The following TAFA2 variants were observed in gnomAD, a reference collection of about 807,000 sequenced individuals.
TAFA2 encodes the protein TAFA chemokine like family member 2, also known as chemokine-like protein TAFA-2.
TAFA2 carries 7 observed loss-of-function variants against 18.8 expected under a neutral mutation model. The ratio of observed to expected loss-of-function variants is 0.37; its 90% confidence interval spans 0.21 to 0.70. The LOEUF (loss-of-function observed/expected upper bound fraction) is 0.70. Ranked by LOEUF, TAFA2 falls within the 30% of genes least tolerant of loss-of-function variation. The probability of loss-of-function intolerance (pLI) is 0.53; values close to 1 mark genes in which losing one functional copy is unlikely to be tolerated. For missense variants in TAFA2, 122 were observed against 158.1 expected (o/e 0.77, Z 1.23); for synonymous variants, 60 against 54.2 (o/e 1.11, Z -0.47).
At chr12:61,833,444 T>C (rs1442222906) in intron 2 of TAFA2, among the ~76,000 whole-genome samples, 1 of 152,062 alleles carries the variant, frequency 6.6e-6, no homozygotes, top group Non-Finnish European at 1.5e-5. Context: ...CCATCTATGG[T>C]GTAAGAACTC....
chr12:62,091,362 G>C (rs1391155485), intron 1 of TAFA2, among the ~76,000 whole-genome samples: 1 of 151,968 alleles, frequency 6.6e-6, no homozygotes, highest in Non-Finnish European at 1.5e-5. Flanking sequence ...TGTATCTACT[G>C]TATTAAATAC....
chr12:62,251,938 C>A (rs1193931267), intron 1 of TAFA2, among the ~76,000 whole-genome samples: 1 of 152,180 alleles, frequency 6.6e-6, no homozygotes, highest in African/African-American at 2.4e-5. Flanking sequence ...TTATCCAATT[C>A]AATTCACCCC....
chr12:62,256,981 G>A (rs527884237), intron 1 of TAFA2, among the ~76,000 whole-genome samples: 38 of 152,134 alleles, frequency 2.5e-4, no homozygotes, highest in African/African-American at 7.7e-4. Flanking sequence ...TGGTAGGGTC[G>A]TGGGCGGGAA....
chr12:62,056,250 A>G (rs1351145664), intron 1 of TAFA2, among the ~76,000 whole-genome samples: 7 of 152,196 alleles, frequency 4.6e-5, no homozygotes, highest in African/African-American at 1.7e-4. Context: ...AGCTTGCTAC[A>G]TCGCCAGATA....
intron 2 of TAFA2, among the ~76,000 whole-genome samples, chr12:61,837,772 G>A (rs1332744934): frequency 6.6e-6 from 1 of 151,890 alleles, no homozygotes; most frequent in Non-Finnish European, 1.5e-5. Context: ...GGGAAGAGAT[G>A]GCGAACAAAT....
chr12:62,237,871 T>C (rs1472708462), intron 1 of TAFA2, among the ~76,000 whole-genome samples: 1 of 152,176 alleles, frequency 6.6e-6, no homozygotes, highest in Non-Finnish European at 1.5e-5. Context: ...GAAGGTTGGC[T>C]AGGAGTTCAT....
At chr12:61,831,757 T>C (rs1402736450) in intron 2 of TAFA2, among the ~76,000 whole-genome samples, 1 of 152,108 alleles carries the variant, frequency 6.6e-6, no homozygotes, top group African/African-American at 2.4e-5. Flanking sequence ...ACGTGCAGGT[T>C]TGTTACATAT....
intron 2 of TAFA2, among the ~76,000 whole-genome samples, chr12:61,862,726 C>T (rs1013554455): frequency 2.9e-4 from 44 of 152,152 alleles, no homozygotes; most frequent in African/African-American, 9.9e-4. Flanking sequence ...AGCATTCATA[C>T]CTATTGCTGC....
intron 3 of TAFA2, among the ~76,000 whole-genome samples, chr12:61,754,595 G>A (rs1374974817): frequency 1.3e-5 from 2 of 149,350 alleles, no homozygotes; most frequent in African/African-American, 2.5e-5. Context: ...ACCATCCACC[G>A]AGAAATCAAC....
intron 2 of TAFA2, among the ~76,000 whole-genome samples, chr12:61,780,739 G>T (rs565926969): frequency 6.6e-6 from 1 of 151,498 alleles, no homozygotes; most frequent in African/African-American, 2.4e-5. Flanking sequence ...TTTCTCACTC[G>T]CTCCTTCCAG....
intron 1 of TAFA2, among the ~76,000 whole-genome samples, chr12:62,010,065 A>C (rs1301146865): frequency 6.6e-6 from 1 of 152,172 alleles, no homozygotes; most frequent in Non-Finnish European, 1.5e-5. Context: ...TAGCTTTTAC[A>C]TTTTTGTACT....
rs375878816 is a variant in TAFA2, at chr12:62,031,834, C to T, written c.-2+159425G>A. Among the ~76,000 whole-genome samples the T allele has an allele frequency of 2.6e-5, 4 of 152,168 alleles. No homozygotes were observed. The East Asian group carries it at 7.7e-4, about 29-fold the overall frequency. ...AGCATAATTTGAATATTTATGGTGGCCTACTTTATTGTTAGTCTTAATTAT... is the reference window on the plus strand; with the variant it reads ...AGCATAATTTGAATATTTATGGTGGTCTACTTTATTGTTAGTCTTAATTAT... On this transcript the variant is annotated intron_variant, in intron 1 of 4. Transcript: ENST00000416284.
chr12:61,879,798 T>C (rs1875037679), intron 1 of TAFA2: 1 of 1,476,142 alleles, frequency 6.8e-7, no homozygotes, highest in Non-Finnish European at 9.4e-7. Flanking sequence ...CAGGAGAAGC[T>C]GAAGCTGGAG....
chr12:61,810,290 T>C (rs1871811016), intron 2 of TAFA2, among the ~76,000 whole-genome samples: 1 of 151,098 alleles, frequency 6.6e-6, no homozygotes, highest in African/African-American at 2.5e-5. Flanking sequence ...TGGGGGAAAA[T>C]TGTTTTTAAG....
At chr12:61,821,515 G>A (rs1872322608) in intron 2 of TAFA2, among the ~76,000 whole-genome samples, 1 of 151,996 alleles carries the variant, frequency 6.6e-6, no homozygotes, top group Admixed American at 6.6e-5. Context: ...AAGCAGGGAA[G>A]GAAGAGAGGG....
At chr12:62,208,070 G>A (rs1312798208) in intron 1 of TAFA2, among the ~76,000 whole-genome samples, 1 of 152,116 alleles carries the variant, frequency 6.6e-6, no homozygotes, top group Admixed American at 6.5e-5. Flanking sequence ...TCAGAGACCA[G>A]AACAAGAAAG....
At chr12:61,966,917 C>T (rs1016875656) in intron 1 of TAFA2, among the ~76,000 whole-genome samples, 9 of 151,784 alleles carry the variant, frequency 5.9e-5, no homozygotes, top group South Asian at 4.1e-4. Flanking sequence ...GTCAATGAAA[C>T]GGTCACTTTT....
chr12:62,254,271 A>C (rs2136996565), intron 1 of TAFA2, among the ~76,000 whole-genome samples: 2 of 152,328 alleles, frequency 1.3e-5, no homozygotes, highest in East Asian at 3.9e-4. Flanking sequence ...TTTCACATTC[A>C]TTATTTTATT....
chr12:61,928,805 C>G lies in TAFA2; in HGVS notation c.-1-61379G>C, dbSNP rs543494399. ...GATAGACTGGATAATGAAAATGTGACACATATACACCATAGAATGCTATGC... is the reference window on the plus strand; with the variant it reads ...GATAGACTGGATAATGAAAATGTGAGACATATACACCATAGAATGCTATGC... On this transcript the variant is annotated intron_variant, in intron 1 of 4. Transcript: ENST00000416284. Among the ~76,000 whole-genome samples, 13 of 152,186 alleles carry G rather than the reference C, an allele frequency of 8.5e-5. No homozygotes were observed. In the East Asian group the frequency reaches 2.5e-3, roughly 29 times the overall value.
Sources: gnomAD v4.1 joint callset for allele counts (sites outside exome capture counted in the v4.1 genomes callset) on GRCh38, gnomAD v4.1.1 for gene constraint, MANE v1.5 for transcripts, NCBI Gene and HGNC (gene_info 2026-07-23, HGNC 2026-07-21) for gene names.